The following RBMS3 variants were observed in gnomAD, a reference collection of about 807,000 sequenced individuals.
The protein encoded by RBMS3 is RNA-binding motif, single-stranded-interacting protein 3.
RBMS3 carries 27 observed loss-of-function variants against 66.8 expected under a neutral mutation model. That is an observed-to-expected ratio of 0.40 (90% CI 0.30 to 0.56). The LOEUF is 0.56. Ranked by LOEUF, RBMS3 falls within the 20% of genes least tolerant of loss-of-function variation. RBMS3 has a pLI of 0.40. For synonymous variants in RBMS3, 188 were observed against 183.0 expected (o/e 1.03, Z -0.22); for missense variants, 513 against 549.5 (o/e 0.93, Z 0.66).
At chr3:29,434,579 C>T (rs200121853) in intron 1 of RBMS3, among the ~76,000 whole-genome samples, 164 bp from the exon 2 acceptor site, 2 of 151,842 alleles carry the variant, frequency 1.3e-5, no homozygotes, top group African/African-American at 2.4e-5. Context: ...GGGCGGGGGA[C>T]GATATTCTTG....
chr3:29,666,066 T>C (rs530694701), intron 4 of RBMS3, among the ~76,000 whole-genome samples: 2 of 152,292 alleles, frequency 1.3e-5, no homozygotes, highest in South Asian at 2.1e-4. Context: ...AGGCACGTTG[T>C]CATATAAGAG....
intron 4 of RBMS3, among the ~76,000 whole-genome samples, chr3:29,623,591 CAAA>C (rs55768184): frequency 3.5e-4 from 41 of 115,668 alleles, no homozygotes; most frequent in South Asian, 8.1e-4. Context: ...AAGACTGTCT[CAAA>C]AAAAAAAAAA....
intron 2 of RBMS3, among the ~76,000 whole-genome samples, chr3:29,477,759 TTTTTTC>T (rs957158670): frequency 3.3e-5 from 5 of 152,128 alleles, no homozygotes; most frequent in Middle Eastern, 6.8e-3. Flanking sequence ...ATAATGTTTA[TTTTTTC>T]TTTTTCTTTT....
chr3:29,887,578 A>G (rs556527871), intron 8 of RBMS3, among the ~76,000 whole-genome samples: 16 of 151,868 alleles, frequency 1.1e-4, no homozygotes, highest in African/African-American at 3.9e-4. Flanking sequence ...CTGTGAGTCA[A>G]TTAAACCTCT....
chr3:29,815,552 C>T (rs1490213366), intron 6 of RBMS3, among the ~76,000 whole-genome samples: 1 of 151,950 alleles, frequency 6.6e-6, no homozygotes, highest in South Asian at 2.1e-4. Flanking sequence ...GGGTTGTCAA[C>T]AAGTGGGTAA....
At chr3:29,451,288 C>G (rs1319721162) in intron 2 of RBMS3, among the ~76,000 whole-genome samples, 1 of 152,118 alleles carries the variant, frequency 6.6e-6, no homozygotes, top group Admixed American at 6.5e-5. Context: ...CCTCAAAATG[C>G]TGAACCAAAT....
intron 6 of RBMS3, among the ~76,000 whole-genome samples, chr3:29,783,367 C>T (rs6787437): frequency 0.044 from 6,645 of 152,144 alleles, 227 homozygotes; most frequent in Admixed American, 0.078. Context: ...GAAATCCTAC[C>T]CGCTAGAAGG....
At chr3:29,893,954 T>A (rs188016293) in intron 8 of RBMS3, among the ~76,000 whole-genome samples, 96 of 151,614 alleles carry the variant, frequency 6.3e-4, no homozygotes, top group Non-Finnish European at 1.1e-3. Context: ...GTATCTACTA[T>A]CTCCCAGGCT....
chr3:29,677,279 G>T (rs544850136), intron 4 of RBMS3, among the ~76,000 whole-genome samples: 4 of 152,226 alleles, frequency 2.6e-5, no homozygotes, highest in East Asian at 3.9e-4. Context: ...CACTTGCTTT[G>T]ATGTTTGTTT....
chr3:29,486,840 C>T (rs1044653456), intron 2 of RBMS3, among the ~76,000 whole-genome samples: 7 of 152,084 alleles, frequency 4.6e-5, no homozygotes, highest in African/African-American at 1.7e-4. Flanking sequence ...ATTTCAGGAA[C>T]ACCTTTATAA....
intron 8 of RBMS3, among the ~76,000 whole-genome samples, chr3:29,894,736 A>C (rs987648274): frequency 6.6e-6 from 1 of 151,596 alleles, no homozygotes; most frequent in Non-Finnish European, 1.5e-5. Flanking sequence ...TGATAAGAGA[A>C]CTATACAAAT....
At chr3:29,563,571 A>G (rs527548591) in intron 3 of RBMS3, among the ~76,000 whole-genome samples, 1 of 152,356 alleles carries the variant, frequency 6.6e-6, no homozygotes, top group East Asian at 1.9e-4. Flanking sequence ...CACGGGAACA[A>G]AACACTTTGA....
chr3:29,688,775 G>T (rs1432487299), intron 4 of RBMS3, among the ~76,000 whole-genome samples: 2 of 151,550 alleles, frequency 1.3e-5, no homozygotes, highest in African/African-American at 4.9e-5. Flanking sequence ...TATAGACAGG[G>T]TTTCACTCTG....
chr3:29,908,874 T>C (rs1181769799), intron 10 of RBMS3, among the ~76,000 whole-genome samples: 3 of 152,092 alleles, frequency 2.0e-5, no homozygotes, highest in Admixed American at 6.6e-5. Flanking sequence ...GATAATTTAA[T>C]TGAAAAGGTA....
At chr3:29,998,763 A>T (rs1205657266) in intron 14 of RBMS3, among the ~76,000 whole-genome samples, 12 of 152,000 alleles carry the variant, frequency 7.9e-5, no homozygotes, top group African/African-American at 2.9e-4. Context: ...ACAAAAATTA[A>T]TTCAAGATGG....
At chr3:29,931,823 A>G (rs1479031484) in intron 10 of RBMS3, among the ~76,000 whole-genome samples, 1 of 152,166 alleles carries the variant, frequency 6.6e-6, no homozygotes, top group Non-Finnish European at 1.5e-5. Flanking sequence ...TATTTGTTCT[A>G]GGAATATTAA....
At chr3:29,924,269 C>G (rs531291225) in intron 10 of RBMS3, among the ~76,000 whole-genome samples, 1 of 152,188 alleles carries the variant, frequency 6.6e-6, no homozygotes, top group African/African-American at 2.4e-5. Context: ...TTATTTTAAT[C>G]TGTCTTTCAA....
intron 10 of RBMS3, chr3:29,903,064 A>C (rs534384753): frequency 6.6e-6 from 1 of 152,130 alleles, no homozygotes; most frequent in South Asian, 2.1e-4. Flanking sequence ...TATAATTTCT[A>C]AAGTTTGCCA....
chr3:29,857,443 AGTTACAC>A (rs1017594130), intron 6 of RBMS3, among the ~76,000 whole-genome samples: 3 of 149,666 alleles, frequency 2.0e-5, no homozygotes, highest in Non-Finnish European at 4.4e-5. Flanking sequence ...TTGAAATCAG[AGTTACAC>A]CTGGGATTAT....
Sources: allele counts gnomAD v4.1 joint callset (sites outside exome capture counted in the v4.1 genomes callset), GRCh38; gene constraint gnomAD v4.1.1; transcripts MANE v1.5; gene names NCBI Gene and HGNC (gene_info 2026-07-23, HGNC 2026-07-21).